ENTREP2: variants seen among roughly 807,000 people sequenced by gnomAD.
ENTREP2 encodes endosomal transmembrane epsin interactor 2, also known as protein ENTREP2.
the ENTREP2 span, among the ~76,000 whole-genome samples, chr15:29,249,645 T>C: frequency 6.6e-6 from 1 of 152,206 alleles, no homozygotes; most frequent in African/African-American, 2.4e-5. Context: ...TTATGTGTTG[T>C]ATAGGTTTTG....
At chr15:29,216,229 T>C in the ENTREP2 span, among the ~76,000 whole-genome samples, 1 of 152,244 alleles carries the variant, frequency 6.6e-6, no homozygotes, top group East Asian at 1.9e-4. Flanking sequence ...ATATGCTGCT[T>C]AGTTTCACTG....
At chr15:29,612,014 T>C in the ENTREP2 span, among the ~76,000 whole-genome samples, 3 of 152,212 alleles carry the variant, frequency 2.0e-5, no homozygotes, top group South Asian at 2.1e-4. Context: ...AAAGAGAAGA[T>C]TGCATTCCTA....
At chr15:29,294,937 C>T in the ENTREP2 span, among the ~76,000 whole-genome samples, 17 of 152,246 alleles carry the variant, frequency 1.1e-4, no homozygotes, top group South Asian at 8.3e-4. Context: ...GGCTCCAAGC[C>T]GCCAGTCTCC....
the ENTREP2 span, among the ~76,000 whole-genome samples, chr15:29,645,774 A>G: frequency 6.6e-6 from 1 of 151,910 alleles, no homozygotes; most frequent in East Asian, 1.9e-4. Context: ...GTTAGCCAGA[A>G]TGGTCTCAAT....
chr15:29,613,509 A>T, the ENTREP2 span: 8 of 343,734 alleles, frequency 2.3e-5, no homozygotes, highest in Non-Finnish European at 4.1e-5. Flanking sequence ...TCCTGACCAC[A>T]TCATGAACAC....
chr15:29,339,449 A>G, the ENTREP2 span, among the ~76,000 whole-genome samples: 1 of 152,244 alleles, frequency 6.6e-6, no homozygotes, highest in Non-Finnish European at 1.5e-5. Context: ...TAACTGGGAC[A>G]GGTGTGCAGC....
At chr15:29,599,050 T>G in the ENTREP2 span, among the ~76,000 whole-genome samples, 1 of 152,182 alleles carries the variant, frequency 6.6e-6, no homozygotes, top group African/African-American at 2.4e-5. Flanking sequence ...CCCATCTCCA[T>G]GCAGGGAATG....
chr15:29,629,312 G>A, the ENTREP2 span, among the ~76,000 whole-genome samples: 4 of 151,926 alleles, frequency 2.6e-5, no homozygotes, highest in East Asian at 1.9e-4. Context: ...ATTATTAATC[G>A]ATTAGGGCTC....
At chr15:29,131,791 C>T in the ENTREP2 span, among the ~76,000 whole-genome samples, 1 of 148,794 alleles carries the variant, frequency 6.7e-6, no homozygotes, top group African/African-American at 2.5e-5. Context: ...GGGCCACCGT[C>T]GTCAGTGGCC....
At chr15:29,405,366 G>A in the ENTREP2 span, among the ~76,000 whole-genome samples, 1 of 151,100 alleles carries the variant, frequency 6.6e-6, no homozygotes, top group African/African-American at 2.4e-5. Flanking sequence ...TCCAGCCTGG[G>A]TGACAGAGCA....
the ENTREP2 span, among the ~76,000 whole-genome samples, chr15:29,498,901 G>A: frequency 6.6e-6 from 1 of 151,966 alleles, no homozygotes; most frequent in Non-Finnish European, 1.5e-5. Flanking sequence ...ATTACATAAT[G>A]ACCTTTTTGA....
chr15:29,195,484 C>T, the ENTREP2 span: 2 of 178,944 alleles, frequency 1.1e-5, no homozygotes, highest in Admixed American at 6.5e-5. Flanking sequence ...TTACCACCAA[C>T]TAAGAGTTCC....
At chr15:29,548,111 G>T in the ENTREP2 span, among the ~76,000 whole-genome samples, 16 of 152,162 alleles carry the variant, frequency 1.1e-4, 1 homozygote, top group South Asian at 3.3e-3. Flanking sequence ...AGTTCTGGGG[G>T]TTAGCTGCAC....
At chr15:29,654,667 A>G in the ENTREP2 span, among the ~76,000 whole-genome samples, 2 of 152,234 alleles carry the variant, frequency 1.3e-5, no homozygotes, top group African/African-American at 4.8e-5. Context: ...TGCAGTATAC[A>G]AAATTCCTAT....
chr15:29,404,264 G>C, the ENTREP2 span, among the ~76,000 whole-genome samples: 1 of 152,022 alleles, frequency 6.6e-6, no homozygotes, highest in Non-Finnish European at 1.5e-5. Context: ...CCATCCCTGG[G>C]TTTAGACACT....
the ENTREP2 span, chr15:29,267,784 TAAAG>T: frequency 2.6e-5 from 4 of 152,142 alleles, no homozygotes; most frequent in Non-Finnish European, 4.4e-5. Flanking sequence ...ATAAAAACAT[TAAAG>T]AATAACAAAT....
At chr15:29,540,779 G>A in the ENTREP2 span, among the ~76,000 whole-genome samples, 1 of 152,192 alleles carries the variant, frequency 6.6e-6, no homozygotes, top group African/African-American at 2.4e-5. Flanking sequence ...TCCCTAAACA[G>A]TGTGATCTGC....
the ENTREP2 span, among the ~76,000 whole-genome samples, chr15:29,326,257 T>C: frequency 4.6e-5 from 7 of 152,120 alleles, no homozygotes; most frequent in Non-Finnish European, 8.8e-5. Flanking sequence ...AAATAAAAGG[T>C]ACATAGATTG....
At chr15:29,411,868 GA>G in the ENTREP2 span, among the ~76,000 whole-genome samples, 63 of 152,296 alleles carry the variant, frequency 4.1e-4, no homozygotes, top group Non-Finnish European at 7.2e-4. Flanking sequence ...TAGACTCCCT[GA>G]ATTCTGCTCC....
Sources: gnomAD v4.1 joint callset for allele counts (sites outside exome capture counted in the v4.1 genomes callset) on GRCh38, gnomAD v4.1.1 for gene constraint, MANE v1.5 for transcripts, NCBI Gene and HGNC (gene_info 2026-07-23, HGNC 2026-07-21) for gene names.